Variants in FNTB observed in about 807,000 individuals in gnomAD.
FNTB encodes farnesyltransferase, CAAX box, subunit beta, also known as protein farnesyltransferase subunit beta.
FNTB carries 27 observed loss-of-function variants against 59.4 expected under a neutral mutation model. The ratio of observed to expected loss-of-function variants is 0.45; its 90% CI spans 0.34 to 0.63. The LOEUF (loss-of-function observed/expected upper bound fraction) is 0.63. Among genes scored for constraint, FNTB ranks in the 20% least tolerant of loss-of-function variants. The pLI is 0.02. For synonymous variants in FNTB, 230 were observed against 220.7 expected (o/e 1.04, Z -0.37); for missense variants, 449 against 559.6 (o/e 0.80, Z 1.99).
rs200750996 is a variant in FNTB, at chr14:65,027,549, C to G, written c.471C>G (p.Val157=). 4.7e-5 allele frequency: 76 copies of G among 1,614,186 alleles called. No individual in the cohort carries two copies. The highest frequency in any genetic ancestry group is 2.0e-4 in the East Asian group (9 of 44,880). The change falls in exon 5 of 12, where the codon GTC becomes GTG. Residue 157 remains valine (V), a synonymous_variant. Coordinates refer to ENST00000246166, the MANE Select transcript of FNTB (RefSeq NM_002028.4). The surrounding 1 kb of genome is among the most constrained non-coding windows in gnomAD (Gnocchi z 5.7). The part of the protein sequence containing the change: ...YPHLAPTYAA[V]NALCIIGTEE... ...ACCTTGCACCCACATATGCAGCAGT[C>G]AATGCATTGTGCATCATTGGCACCG...
In FNTB at chr14:65,052,393, T is replaced by C. The variant is rs144364276; in HGVS notation, c.956-845T>C. Among the ~76,000 whole-genome samples the C allele has an allele frequency of 6.4e-3, 968 of 152,302 alleles. 10 individuals are homozygous for C. The highest frequency in any genetic ancestry group is 0.011 in the Non-Finnish European group (762 of 68,024). On this transcript the variant is annotated intron_variant, in intron 9 of 11. Coordinates refer to ENST00000246166, the MANE Select transcript of FNTB (RefSeq NM_002028.4). ...TTGGGCATCTTTTTTTTAAAAATGA[T>C]TTATTGTCAGGCATCTTTTAGCCCA...
At chr14:65,036,089 C>A (rs1164315762) in intron 7 of FNTB, among the ~76,000 whole-genome samples, 1 of 149,652 alleles carries the variant, frequency 6.7e-6, no homozygotes, top group Non-Finnish European at 1.5e-5. Flanking sequence ...TGCCTCAGCC[C>A]CACAAAGTGT....
intron 9 of FNTB, among the ~76,000 whole-genome samples, chr14:65,051,951 T>C (rs2062624523): frequency 6.6e-6 from 1 of 151,844 alleles, no homozygotes; most frequent in African/African-American, 2.4e-5. Context: ...CCCACCACCA[T>C]GTCCGGCTAA....
At chr14:64,992,411 C>G (rs1326019895) in intron 1 of FNTB, among the ~76,000 whole-genome samples, 1 of 152,154 alleles carries the variant, frequency 6.6e-6, no homozygotes, top group Non-Finnish European at 1.5e-5. Context: ...TGGTTTTCCT[C>G]CTCTTCTTAT....
chr14:65,045,671 CT>C (rs1391523389), intron 9 of FNTB, among the ~76,000 whole-genome samples: 2 of 152,150 alleles, frequency 1.3e-5, no homozygotes, highest in Admixed American at 1.3e-4. Flanking sequence ...CCACTTCGGC[CT>C]CCCAAAGTGC....
intron 1 of FNTB, among the ~76,000 whole-genome samples, chr14:64,987,957 A>G (rs578027536): frequency 1.4e-4 from 22 of 152,340 alleles, no homozygotes; most frequent in African/African-American, 5.3e-4. Context: ...TCTTAACACT[A>G]ATAAATGAAC....
At chr14:65,006,186 T>C in intron 2 of FNTB, 1 of 1,607,156 alleles carries the variant, frequency 6.2e-7, no homozygotes, top group Non-Finnish European at 8.5e-7. Flanking sequence ...CACCATTTCC[T>C]TAAGAAACTT....
chr14:65,044,703 G>A lies in FNTB; in HGVS notation c.955+260G>A. The A allele has an allele frequency of 2.0e-6, 1 of 510,906 alleles. No individual in the cohort carries two copies. The highest frequency in any genetic ancestry group is 2.8e-5 in the South Asian group (1 of 35,778). The allele number at this position is 510,906 out of a possible 1,614,324, so 31.6% of individuals were successfully genotyped here. A position where few individuals can be genotyped will look rare whatever the true frequency, so the allele number is the denominator to read the frequency against. ...CCTTGAAATTGCTACGGGGAGCGGG[G>A]AGGAAGTGGGCGCTGCTTCTGCGTT... On this transcript the variant is annotated intron_variant, in intron 9 of 11. Transcript: ENST00000246166. The surrounding 1 kb of genome is among the most constrained non-coding windows in gnomAD (Gnocchi z 5.5).
intron 4 of FNTB, among the ~76,000 whole-genome samples, chr14:65,020,084 C>T (rs905618767): frequency 2.0e-5 from 3 of 152,204 alleles, no homozygotes; most frequent in Admixed American, 6.5e-5. Context: ...CCTACACTTA[C>T]ACAAAGGTTT....
chr14:64,988,929 C>T (rs1888066700), intron 1 of FNTB, among the ~76,000 whole-genome samples: 1 of 152,008 alleles, frequency 6.6e-6, no homozygotes, highest in Non-Finnish European at 1.5e-5. Context: ...TTTATTGAGT[C>T]TCAGCACAGT....
At chr14:65,034,691 T>A (rs2062151696) in intron 7 of FNTB, among the ~76,000 whole-genome samples, 1 of 152,252 alleles carries the variant, frequency 6.6e-6, no homozygotes, top group Admixed American at 6.5e-5. Flanking sequence ...CATCTTTTTA[T>A]TCTTTATGAG....
chr14:65,057,406 G>A (rs2062760791), intron 11 of FNTB, among the ~76,000 whole-genome samples: 2 of 152,100 alleles, frequency 1.3e-5, no homozygotes, highest in Admixed American at 1.3e-4. Context: ...GAGATAGAGT[G>A]AGACCCTGCC....
intron 1 of FNTB, 97 bp from the exon 2 acceptor site, chr14:65,004,152 C>A: frequency 7.2e-7 from 1 of 1,394,980 alleles, no homozygotes; most frequent in Non-Finnish European, 1.0e-6. Context: ...TACCAACCAA[C>A]CCTCGCCAAT....
chr14:65,042,848 C>T (rs113270262), intron 8 of FNTB, among the ~76,000 whole-genome samples: 7 of 152,212 alleles, frequency 4.6e-5, no homozygotes, highest in African/African-American at 1.7e-4. Context: ...TAATGCTTAG[C>T]CCACTTCCAT....
At chr14:64,987,126 C>T (rs943217761) in intron 1 of FNTB, 29 bp downstream of exon 1, 3 of 1,613,182 alleles carry the variant, frequency 1.9e-6, no homozygotes, top group South Asian at 1.1e-5. Flanking sequence ...GCGAGGCGCC[C>T]GCGCGATGTG....
In FNTB at chr14:65,029,027, A is replaced by G. The variant is rs1259345577; in HGVS notation, c.605+1246A>G. On this transcript the variant is annotated intron_variant, in intron 6 of 11. Coordinates refer to ENST00000246166, the MANE Select transcript of FNTB (RefSeq NM_002028.4). This position sits in a 1 kb window ranked among gnomAD's most constrained non-coding sequence, Gnocchi z 4.7. ...TCATTCCAGCACTTTTTTTTTCCCT[A>G]TGCTCTTTATTTATATGTTCTAGAT... is the stretch of plus-strand genomic sequence containing the variant. 3.3e-5 allele frequency among the ~76,000 whole-genome samples: 5 copies of G among 151,268 alleles called. No homozygotes were observed.
chr14:65,000,399 A>G (rs1888549845), intron 1 of FNTB, among the ~76,000 whole-genome samples: 2 of 152,156 alleles, frequency 1.3e-5, no homozygotes, highest in Non-Finnish European at 2.9e-5. Context: ...AGCTCAGGCA[A>G]AGTTAATGTA....
At chr14:64,988,844 C>A (rs1483076324) in intron 1 of FNTB, among the ~76,000 whole-genome samples, 1 of 152,164 alleles carries the variant, frequency 6.6e-6, no homozygotes, top group East Asian at 1.9e-4. Flanking sequence ...TGAACAGTTT[C>A]AGGTAGTAGG....
rs2062104856 is a variant in FNTB at position 65,032,452 on chromosome 14, C to A, written c.606-158C>A. 2 of 608,898 alleles carry A rather than the reference C, an allele frequency of 3.3e-6. No individual in the cohort carries two copies. Among genetic ancestry groups the A allele is most frequent in the Non-Finnish European group, 5.4e-6 (2 of 373,328 alleles). The allele number at this position is 608,898 out of a possible 1,614,324, so 37.7% of individuals were successfully genotyped here. ...TCTATCCAAATAGAATGTCACACCT[C>A]TCAGTTGGAGACCCAGGAGGACTGA... is the stretch of plus-strand genomic sequence containing the variant. On this transcript the variant is annotated intron_variant, in intron 6 of 11. Transcript: ENST00000246166. This position sits in a 1 kb window ranked among gnomAD's most constrained non-coding sequence, Gnocchi z 5.0.
Sources: allele counts gnomAD v4.1 joint callset (sites outside exome capture counted in the v4.1 genomes callset), GRCh38; gene constraint gnomAD v4.1.1; non-coding constraint Gnocchi (gnomAD v3.1); transcripts MANE v1.5; gene names NCBI Gene and HGNC (gene_info 2026-07-23, HGNC 2026-07-21).